Variants in VSIG1 observed in about 807,000 individuals in gnomAD.
VSIG1 encodes the protein V-set and immunoglobulin domain containing 1, also known as V-set and immunoglobulin domain-containing protein 1.
Under a neutral mutation model 20.1 loss-of-function variants are expected in VSIG1, and 11 were observed. That is an observed-to-expected ratio of 0.55 (90% CI 0.34 to 0.91). The LOEUF is 0.91. Among genes scored for constraint, VSIG1 ranks in the 40% least tolerant of loss-of-function variants. The pLI is 0.02. For synonymous variants in VSIG1, 126 were observed against 116.7 expected (o/e 1.08, Z -0.52); for missense variants, 283 against 298.8 (o/e 0.95, Z 0.39).
In VSIG1 at chrX:108,077,216, C is replaced by T; in HGVS notation, c.999C>T (p.Ala333=). The change falls in exon 7 of 7, where the codon GCC becomes GCT. Residue 333 remains alanine (A), a synonymous_variant. Transcript: ENST00000217957. The part of the protein sequence containing the change: ...KPTQEPAPEP[A]PGSEPMAVPD... Reference sequence around the variant, plus strand: ...CTCAGGAGCCTGCCCCAGAGCCTGCCCCAGGATCAGAGCCTATGGCAGTGC... The same window carrying T: ...CTCAGGAGCCTGCCCCAGAGCCTGCTCCAGGATCAGAGCCTATGGCAGTGC... The T allele has an allele frequency of 5.8e-6, 7 of 1,211,919 alleles. No homozygotes were observed. Among genetic ancestry groups the T allele is most frequent in the Non-Finnish European group, 7.8e-6 (7 of 895,559 alleles).
intron 3 of VSIG1, among the ~76,000 whole-genome samples, chrX:108,071,459 C>T (rs746644064): frequency 4.3e-4 from 48 of 110,982 alleles, no homozygotes; most frequent in Non-Finnish European, 8.7e-4. Flanking sequence ...TAGAATAAAC[C>T]GTGCAAGTAA....
At chrX:108,071,892 C>CAAAAAAAAA (rs1203449181) in intron 3 of VSIG1, among the ~76,000 whole-genome samples, 4 of 36,393 alleles carry the variant, frequency 1.1e-4, no homozygotes, top group South Asian at 1.8e-3. Context: ...TGAACAAATG[C>CAAAAAAAAA]AAAAAAAAAA....
the VSIG1 span, among the ~76,000 whole-genome samples, chrX:108,025,616 G>A: frequency 7.1e-5 from 8 of 112,646 alleles, no homozygotes; most frequent in East Asian, 2.2e-3. Context: ...TGTAAGCTGG[G>A]TGTGACTGTG....
the VSIG1 span, among the ~76,000 whole-genome samples, chrX:108,021,124 G>A: frequency 8.9e-6 from 1 of 111,783 alleles, no homozygotes; most frequent in African/African-American, 3.3e-5. Flanking sequence ...ACTTTTTCCA[G>A]TGTGGAAACT....
chrX:108,050,746 T>TA (rs751646986), intron 1 of VSIG1, among the ~76,000 whole-genome samples: 1 of 111,504 alleles, frequency 9.0e-6, no homozygotes, highest in African/African-American at 3.3e-5. Flanking sequence ...TTTACACTCT[T>TA]AAAAACTGAG....
At chrX:108,065,325 G>A (rs780584336) in intron 2 of VSIG1, among the ~76,000 whole-genome samples, 1 of 111,434 alleles carries the variant, frequency 9.0e-6, no homozygotes, top group South Asian at 3.8e-4. Flanking sequence ...TGTCTCAACC[G>A]TCAATTTTGC....
chrX:108,028,853 T>A, the VSIG1 span, among the ~76,000 whole-genome samples: 4 of 111,374 alleles, frequency 3.6e-5, no homozygotes, highest in African/African-American at 1.3e-4. Flanking sequence ...CTTTTTAAAA[T>A]TATTCTGAGG....
intron 1 of VSIG1, among the ~76,000 whole-genome samples, chrX:108,056,701 C>T (rs745682297): frequency 1.8e-5 from 2 of 112,576 alleles, no homozygotes; most frequent in South Asian, 7.2e-4. Context: ...TCATACCTGC[C>T]AGAATGGCTA....
intron 2 of VSIG1, chrX:108,064,621 T>C (rs986540540): frequency 1.1e-5 from 4 of 374,389 alleles, no homozygotes; most frequent in African/African-American, 2.8e-5. Flanking sequence ...GGACTTGCTG[T>C]GGGCCTCAGG....
chrX:108,044,725 T>C (rs1052178574), upstream of VSIG1, among the ~76,000 whole-genome samples: 1 of 111,887 alleles, frequency 8.9e-6, no homozygotes, highest in Non-Finnish European at 1.9e-5. Context: ...GTAAGACTCA[T>C]GGAAATATTT....
Position 108,059,546 on chromosome X carries a change from T to C in VSIG1, c.213+1345T>C, listed in dbSNP as rs190410299. 7.5e-4 allele frequency among the ~76,000 whole-genome samples: 84 copies of C among 111,867 alleles called. 3 individuals carry two copies. The East Asian group carries it at 0.022, about 30-fold the overall frequency. The stretch of plus-strand genomic sequence containing the variant: ...ATAATGCATGTGAAAAATATAAAGC[T>C]CTGTAAGTTTTATCCCTTGTAAACA... On this transcript the variant is annotated intron_variant, in intron 2 of 6. Coordinates refer to ENST00000217957, the MANE Select transcript of VSIG1 (RefSeq NM_182607.5).
chrX:108,067,266 A>C, intron 3 of VSIG1, 132 bp downstream of exon 3: 2 of 688,854 alleles, frequency 2.9e-6, no homozygotes, highest in Non-Finnish European at 4.3e-6. Context: ...ATTATCAGGG[A>C]AATAGAGACA....
At chrX:108,044,519 C>T (rs923287534), upstream of VSIG1, among the ~76,000 whole-genome samples, 49 of 111,818 alleles carry the variant, frequency 4.4e-4, no homozygotes, top group African/African-American at 1.6e-3. Context: ...CATTTTACTG[C>T]TAGTTTTGGT....
chrX:108,058,302 C>A, intron 2 of VSIG1, 101 bp downstream of exon 2: 1 of 813,509 alleles, frequency 1.2e-6, no homozygotes, highest in Non-Finnish European at 1.7e-6. Flanking sequence ...ATGCCAGTGA[C>A]AGTAGTGGCA....
chrX:108,072,318 T>A (rs765550254), intron 3 of VSIG1, among the ~76,000 whole-genome samples: 1 of 111,302 alleles, frequency 9.0e-6, no homozygotes, highest in Admixed American at 9.6e-5. Flanking sequence ...AGTGGCGTGA[T>A]CTTGGCTTAC....
intron 1 of VSIG1, among the ~76,000 whole-genome samples, chrX:108,048,390 T>G (rs2030713396): frequency 8.9e-6 from 1 of 112,298 alleles, no homozygotes; most frequent in Non-Finnish European, 1.9e-5. Flanking sequence ...TTATTATACT[T>G]TAAGTTTTAG....
Position 108,045,103 on chromosome X carries a change from CCTG to C in VSIG1, c.-22_-20del. ...GCCTAGTCCAGGCAAGCTACTGGCACCTGCTGCTCTCAACTAACCTCCACACAA... is the reference window on the plus strand; with the variant it reads ...GCCTAGTCCAGGCAAGCTACTGGCACCTGCTCTCAACTAACCTCCACACAA... On this transcript the variant is annotated 5_prime_UTR_variant, in exon 1 of 7. Coordinates refer to ENST00000217957, the MANE Select transcript of VSIG1 (RefSeq NM_182607.5). The C allele has an allele frequency of 8.7e-7, 1 of 1,151,359 alleles. No individual in the cohort carries two copies. The highest frequency in any genetic ancestry group is 1.2e-6 in the Non-Finnish European group (1 of 861,350). The allele number at this position is 1,151,359 out of a possible 1,213,427, so 94.9% of individuals were successfully genotyped here.
At chrX:108,030,106 C>G in the VSIG1 span, among the ~76,000 whole-genome samples, 2 of 111,427 alleles carry the variant, frequency 1.8e-5, no homozygotes, top group Non-Finnish European at 3.8e-5. Context: ...TGACATGTCC[C>G]GAGAGTCCCA....
intron 2 of VSIG1, among the ~76,000 whole-genome samples, chrX:108,059,331 C>A (rs1422972963): frequency 4.5e-5 from 5 of 111,273 alleles, no homozygotes; most frequent in African/African-American, 1.3e-4. Context: ...GTGCTGAGTC[C>A]TCTGTTTACA....
Sources: allele counts gnomAD v4.1 joint callset (sites outside exome capture counted in the v4.1 genomes callset), GRCh38; gene constraint gnomAD v4.1.1; transcripts MANE v1.5; gene names NCBI Gene and HGNC (gene_info 2026-07-23, HGNC 2026-07-21).